Variants in PRELID2 observed in about 807,000 individuals in gnomAD.
PRELID2 encodes PRELI domain containing 2.
PRELID2 carries 25 observed loss-of-function variants against 28.4 expected under a neutral mutation model. The observed-to-expected ratio is 0.88, with a 90% CI of 0.64 to 1.23. The LOEUF (loss-of-function observed/expected upper bound fraction) is 1.23, where lower values mean the gene tolerates loss of function less well. Ranked by LOEUF, PRELID2 falls within the 50% of genes most tolerant of loss-of-function variation. The pLI is 0.00. For missense variants in PRELID2, 201 were observed against 214.4 expected, an observed-to-expected ratio of 0.94 and a Z score of 0.39; for synonymous variants, 76 against 71.6, an observed-to-expected ratio of 1.06 and a Z score of -0.31.
chr5:145,463,089 T>G, the PRELID2 span, among the ~76,000 whole-genome samples: 3 of 152,142 alleles, frequency 2.0e-5, no homozygotes, highest in Non-Finnish European at 4.4e-5. Flanking sequence ...ATAAAATGAT[T>G]GTTTAATTAT....
chr5:145,343,549 C>T, the PRELID2 span, among the ~76,000 whole-genome samples: 1 of 150,622 alleles, frequency 6.6e-6, no homozygotes, highest in South Asian at 2.1e-4. Context: ...GCAAAAAATG[C>T]CTACATCAAA....
At position 145,596,388 on chromosome 5, in the gene PRELID2, C is replaced by T. The variant is rs147939256; in HGVS notation, n.71-123073G>A. Among the ~76,000 whole-genome samples, 399 of 152,128 alleles carry T rather than the reference C, an allele frequency of 2.6e-3. 4 individuals carry two copies. Among genetic ancestry groups the T allele is most frequent in the African/African-American group, 8.9e-3 (371 of 41,500 alleles). ...CATACTAATTAGACCTGGCATTTAT[C>T]CTGGAAATGAGGTCTCAGTACCACA... On this transcript the variant is annotated intron_variant and non_coding_transcript_variant, in intron 1 of 2. Transcript: ENST00000510259.
chr5:145,323,396 G>A, the PRELID2 span, among the ~76,000 whole-genome samples: 1 of 152,126 alleles, frequency 6.6e-6, no homozygotes, highest in Non-Finnish European at 1.5e-5. Flanking sequence ...TGTTAAGCAG[G>A]GAAGATATGT....
intron 1 of PRELID2, among the ~76,000 whole-genome samples, chr5:145,546,427 G>A (rs1580973835): frequency 1.3e-5 from 2 of 152,244 alleles, no homozygotes; most frequent in South Asian, 4.1e-4. Flanking sequence ...ATATCAATGT[G>A]GAGATGAAAG....
chr5:145,241,266 T>C, the PRELID2 span, among the ~76,000 whole-genome samples: 1 of 151,964 alleles, frequency 6.6e-6, no homozygotes. Context: ...GGCTCATAAA[T>C]ACCTTGAAGA....
intron 5 of PRELID2, among the ~76,000 whole-genome samples, chr5:145,776,521 T>A (rs151075742): frequency 1.1e-4 from 17 of 152,158 alleles, no homozygotes; most frequent in African/African-American, 4.1e-4. Flanking sequence ...TAAGAACAAG[T>A]CTTCTATCCA....
At chr5:145,501,493 T>G (rs547337436) in intron 1 of PRELID2, among the ~76,000 whole-genome samples, 1 of 152,240 alleles carries the variant, frequency 6.6e-6, no homozygotes, top group East Asian at 1.9e-4. Context: ...AATTGAATCA[T>G]GTGGGCAGTT....
Position 145,756,964 on chromosome 5 carries a change from G to A in PRELID2, c.*3572C>T, listed in dbSNP as rs1261677625. On this transcript the variant is annotated 3_prime_UTR_variant, in exon 7 of 7. Transcript: ENST00000683046. ...GTAGGGACTTTAACAAAACTAAGTA[G>A]GGCCTGAAAGAATTAAAAACATATA... Among the ~76,000 whole-genome samples the A allele has an allele frequency of 6.6e-6, 1 of 152,128 alleles. No homozygotes were observed. The highest frequency in any genetic ancestry group is 1.5e-5 in the Non-Finnish European group (1 of 68,018).
chr5:145,463,363 G>A, the PRELID2 span, among the ~76,000 whole-genome samples: 4 of 121,720 alleles, frequency 3.3e-5, no homozygotes, highest in Admixed American at 2.5e-4. Flanking sequence ...TTTTTTTAGT[G>A]TCTTTAGTTT....
intron 4 of PRELID2, 117 bp from the exon 5 acceptor site, chr5:145,796,664 T>C: frequency 6.4e-6 from 3 of 467,454 alleles, no homozygotes; most frequent in Non-Finnish European, 7.4e-6. Context: ...ATATCCTTAA[T>C]AATTCAATAA....
At chr5:145,484,784 T>C (rs1752198691) in intron 1 of PRELID2, among the ~76,000 whole-genome samples, 1 of 152,226 alleles carries the variant, frequency 6.6e-6, no homozygotes, top group South Asian at 2.1e-4. Flanking sequence ...TCACTTAATG[T>C]TCATTATCTG....
chr5:145,806,992 A>G (rs1210204814), intron 4 of PRELID2, among the ~76,000 whole-genome samples: 2 of 152,160 alleles, frequency 1.3e-5, no homozygotes, highest in African/African-American at 4.8e-5. Context: ...GGACTAATAC[A>G]CCATTATCAA....
At chr5:145,711,018 G>A (rs1755679362) in intron 1 of PRELID2, among the ~76,000 whole-genome samples, 1 of 152,150 alleles carries the variant, frequency 6.6e-6, no homozygotes, top group Admixed American at 6.5e-5. Flanking sequence ...GCTATACTCT[G>A]CAATTTCACT....
intron 1 of PRELID2, chr5:145,826,078 A>G: frequency 1.0e-6 from 1 of 985,430 alleles, no homozygotes; most frequent in Non-Finnish European, 1.2e-6. Flanking sequence ...GAATTGATCA[A>G]GCTGAATCAG....
the PRELID2 span, among the ~76,000 whole-genome samples, chr5:145,364,433 C>T: frequency 6.6e-6 from 1 of 151,958 alleles, no homozygotes; most frequent in Non-Finnish European, 1.5e-5. Flanking sequence ...ACCTTTAAAT[C>T]ATCTGTCATA....
intron 1 of PRELID2, among the ~76,000 whole-genome samples, chr5:145,604,541 T>C (rs1433595695): frequency 1.3e-5 from 2 of 152,108 alleles, no homozygotes; most frequent in Non-Finnish European, 2.9e-5. Flanking sequence ...GCAATGAACA[T>C]AGACGTGTAT....
chr5:145,820,348 G>A (rs1754693280), intron 2 of PRELID2, among the ~76,000 whole-genome samples: 2 of 152,038 alleles, frequency 1.3e-5, no homozygotes, highest in African/African-American at 4.8e-5. Context: ...CCTTATCTGG[G>A]ATGAAGGAAT....
chr5:145,738,302 T>C (rs1756554489), intron 1 of PRELID2, among the ~76,000 whole-genome samples: 1 of 152,152 alleles, frequency 6.6e-6, no homozygotes, highest in Admixed American at 6.5e-5. Flanking sequence ...ATATCACTCA[T>C]ATCAAGAACC....
At chr5:145,669,850 A>G (rs892899248) in intron 1 of PRELID2, among the ~76,000 whole-genome samples, 2 of 152,080 alleles carry the variant, frequency 1.3e-5, no homozygotes, top group African/African-American at 2.4e-5. Context: ...GGTCTGGGAT[A>G]AACCATCTCT....
Sources: allele counts gnomAD v4.1 joint callset (sites outside exome capture counted in the v4.1 genomes callset), GRCh38; gene constraint gnomAD v4.1.1; transcripts MANE v1.5; gene names NCBI Gene and HGNC (gene_info 2026-07-23, HGNC 2026-07-21).